HTR4: variants seen among roughly 807,000 people sequenced by gnomAD.
HTR4 encodes the protein 5-hydroxytryptamine receptor 4, also known as 5-hydroxytryptamine (serotonin) receptor 4, G protein-coupled.
In HTR4, 16 loss-of-function variants were observed where a neutral mutation model predicts 36.8. The ratio of observed to expected loss-of-function variants is 0.43; its 90% CI spans 0.29 to 0.66. HTR4 has a LOEUF of 0.66. Ranked by LOEUF, HTR4 falls within the 30% of genes least tolerant of loss-of-function variation. The pLI is 0.13. For synonymous variants in HTR4, 189 were observed against 185.1 expected, an observed-to-expected ratio of 1.02 and a Z score of -0.17; for missense variants, 438 against 490.9, an observed-to-expected ratio of 0.89 and a Z score of 1.02.
downstream of HTR4, among the ~76,000 whole-genome samples, chr5:148,478,174 G>T (rs964530946): frequency 1.3e-5 from 2 of 152,198 alleles, no homozygotes; most frequent in African/African-American, 4.8e-5. Context: ...ATGCCATAGT[G>T]CTGTTGAGAG....
At position 148,523,317 on chromosome 5, in the gene HTR4, A is replaced by G. The variant is rs1392288722; in HGVS notation, c.383T>C (p.Val128Ala). ...RYYAICCQPL[V>A]YRNKMTPLRI... Reference sequence around the variant, plus strand: ...CAGAGGGGTCATCTTGTTCCTATAGACCAAAGGCTGGCAGCAGATGGCGTA... The same window carrying G: ...CAGAGGGGTCATCTTGTTCCTATAGGCCAAAGGCTGGCAGCAGATGGCGTA... The change falls in exon 5 of 7, where the codon GTC becomes GCC. Residue 128 changes from valine to alanine, a missense_variant. Transcript: ENST00000377888. The G allele has an allele frequency of 3.1e-6, 5 of 1,611,900 alleles. No homozygotes were observed.
intron 6 of HTR4, among the ~76,000 whole-genome samples, chr5:148,508,591 G>A (rs1451760006): frequency 1.3e-5 from 2 of 152,024 alleles, no homozygotes; most frequent in Non-Finnish European, 2.9e-5. Flanking sequence ...CAAATTCTTA[G>A]GAAATACTGT....
At position 148,510,023 on chromosome 5, in the gene HTR4, ATC is replaced by A; in HGVS notation, c.508-1_508del. ...GTTCTGGTTGAACTTCCTCTTTTCTATCTGAGAGTTGGAGGGAGAGAGGAAAT... is the reference window on the plus strand; with the variant it reads ...GTTCTGGTTGAACTTCCTCTTTTCTATGAGAGTTGGAGGGAGAGAGGAAAT... On this transcript the variant is annotated splice_acceptor_variant and coding_sequence_variant, in exon 6 of 7. Transcript: ENST00000377888. LOFTEE classifies it high-confidence loss of function. The A allele has an allele frequency of 6.2e-7, 1 of 1,603,374 alleles. No homozygotes were observed. Among genetic ancestry groups the A allele is most frequent in the Non-Finnish European group, 8.5e-7 (1 of 1,172,230 alleles).
At chr5:148,570,591 G>A (rs79306190) in intron 2 of HTR4, among the ~76,000 whole-genome samples, 3,961 of 152,222 alleles carry the variant, frequency 0.026, 89 homozygotes, top group South Asian at 0.098. Flanking sequence ...GCAACTGAAA[G>A]GAGACAAAGA....
At chr5:148,505,210 G>C (rs1050791814) in intron 6 of HTR4, among the ~76,000 whole-genome samples, 4 of 152,106 alleles carry the variant, frequency 2.6e-5, no homozygotes, top group African/African-American at 9.7e-5. Context: ...ATGCAAGGCT[G>C]GTTCAACATA....
intron 5 of HTR4, among the ~76,000 whole-genome samples, chr5:148,467,656 A>G (rs535625224): frequency 4.4e-4 from 67 of 152,372 alleles, no homozygotes; most frequent in South Asian, 3.5e-3. Flanking sequence ...CAGAAACTGT[A>G]TAATTTGTAT....
At chr5:148,600,456 G>A (rs1761947871) in intron 2 of HTR4, among the ~76,000 whole-genome samples, 1 of 150,460 alleles carries the variant, frequency 6.6e-6, no homozygotes. Flanking sequence ...ATTCCTATAT[G>A]TAGAAAACCC....
chr5:148,466,077 T>A (rs1186595828), intron 5 of HTR4: 10 of 1,423,518 alleles, frequency 7.0e-6, no homozygotes, highest in Non-Finnish European at 9.5e-6. Flanking sequence ...TAGAGGAGGA[T>A]AAGGAGGGGA....
chr5:148,594,516 G>A (rs1394245373), intron 2 of HTR4, among the ~76,000 whole-genome samples: 2 of 152,040 alleles, frequency 1.3e-5, no homozygotes, highest in Non-Finnish European at 2.9e-5. Context: ...CCAGAACATT[G>A]CTTCCAAAGA....
intron 2 of HTR4, among the ~76,000 whole-genome samples, chr5:148,559,133 G>A (rs896353690): frequency 2.8e-4 from 42 of 152,214 alleles, no homozygotes; most frequent in African/African-American, 9.7e-4. Flanking sequence ...GAGAGTTGGA[G>A]CTCACTGCTG....
intron 2 of HTR4, among the ~76,000 whole-genome samples, chr5:148,618,853 C>G (rs1255509312): frequency 6.6e-6 from 1 of 152,168 alleles, no homozygotes; most frequent in Non-Finnish European, 1.5e-5. Flanking sequence ...ATCCAAATTG[C>G]CTGTTATTAT....
At chr5:148,619,266 T>C (rs1752821235) in intron 2 of HTR4, among the ~76,000 whole-genome samples, 1 of 152,190 alleles carries the variant, frequency 6.6e-6, no homozygotes, top group Admixed American at 6.5e-5. Flanking sequence ...AGACCATTTT[T>C]AAGGTCCCTT....
chr5:148,494,080 G>A (rs1480971020), intron 6 of HTR4, among the ~76,000 whole-genome samples: 2 of 152,172 alleles, frequency 1.3e-5, no homozygotes, highest in African/African-American at 4.8e-5. Flanking sequence ...GGGGAATTCT[G>A]ATGTGCTGAA....
At chr5:148,616,410 C>G (rs574927982) in intron 2 of HTR4, among the ~76,000 whole-genome samples, 1 of 152,232 alleles carries the variant, frequency 6.6e-6, no homozygotes, top group Admixed American at 6.5e-5. Flanking sequence ...ATCTTCCCTC[C>G]TGATCCTAAT....
At chr5:148,484,287 C>T (rs199917379) in intron 6 of HTR4, 1 of 1,613,542 alleles carries the variant, frequency 6.2e-7, no homozygotes, top group Non-Finnish European at 8.5e-7. Flanking sequence ...TGCAGTCAAA[C>T]ATCTAATGCT....
intron 2 of HTR4, among the ~76,000 whole-genome samples, chr5:148,555,997 G>T (rs1759934033): frequency 6.6e-6 from 1 of 151,324 alleles, no homozygotes; most frequent in South Asian, 2.1e-4. Context: ...CATACTTTCT[G>T]GAGAGTCAAG....
At chr5:148,508,176 A>G (rs975241666) in intron 6 of HTR4, among the ~76,000 whole-genome samples, 12 of 152,062 alleles carry the variant, frequency 7.9e-5, no homozygotes, top group Admixed American at 5.9e-4. Context: ...ATATCCCCCA[A>G]TTTTCAGCCG....
Position 148,481,730 on chromosome 5 carries a change from A to T in HTR4, c.*1473T>A. The T allele has an allele frequency of 7.0e-7, 1 of 1,435,036 alleles. No individual in the cohort carries two copies. The highest frequency in any genetic ancestry group is 1.6e-5 in the South Asian group (1 of 63,358). The allele number at this position is 1,435,036 out of a possible 1,614,324, so 88.9% of individuals were successfully genotyped here. On this transcript the variant is annotated 3_prime_UTR_variant, in exon 7 of 7. Coordinates refer to ENST00000377888, the MANE Select transcript of HTR4 (RefSeq NM_000870.7). ...CCTGAGATGCTATTAAACCACAGCC[A>T]AGATCAAAGTCAGAATCTCACATGG... is the stretch of plus-strand genomic sequence containing the variant.
At chr5:148,569,132 G>T (rs1018960110) in intron 2 of HTR4, among the ~76,000 whole-genome samples, 1 of 151,924 alleles carries the variant, frequency 6.6e-6, no homozygotes. Context: ...TATCTGATCA[G>T]CAGAGAGTTC....
Sources: allele counts gnomAD v4.1 joint callset (sites outside exome capture counted in the v4.1 genomes callset), GRCh38; gene constraint gnomAD v4.1.1; transcripts MANE v1.5; gene names NCBI Gene and HGNC (gene_info 2026-07-23, HGNC 2026-07-21).